The following AGBL1 variants were observed in gnomAD, a reference collection of about 807,000 sequenced individuals.
AGBL1 encodes the protein cytosolic carboxypeptidase 4.
Under a neutral mutation model 118.9 loss-of-function variants are expected in AGBL1, and 130 were observed. The observed-to-expected ratio is 1.09, with a 90% CI of 0.95 to 1.26. The LOEUF is 1.26. Ranked by LOEUF, AGBL1 falls within the 50% of genes most tolerant of loss-of-function variation. The pLI, the probability that AGBL1 is intolerant of heterozygous loss-of-function variation, is 0.00. For missense variants in AGBL1, 1,584 were observed against 1,298.1 expected, an observed-to-expected ratio of 1.22 and a Z score of -3.38; for synonymous variants, 555 against 478.9, an observed-to-expected ratio of 1.16 and a Z score of -2.08.
chr15:86,228,412 G>T (rs529482691), intron 6 of AGBL1, among the ~76,000 whole-genome samples: 93 of 152,288 alleles, frequency 6.1e-4, no homozygotes, highest in Non-Finnish European at 1.3e-3. Context: ...GTTGGCCATT[G>T]TAATCGTTCT....
At chr15:87,020,035 T>A in intron 24 of AGBL1, among the ~76,000 whole-genome samples, 1 of 147,166 alleles carries the variant, frequency 6.8e-6, no homozygotes, top group East Asian at 2.0e-4. Context: ...TTCCTGGACA[T>A]ATGCACCCAC....
At chr15:86,099,335 T>G (rs2141491332) in intron 1 of AGBL1, among the ~76,000 whole-genome samples, 1 of 152,298 alleles carries the variant, frequency 6.6e-6, no homozygotes, top group Non-Finnish European at 1.5e-5. Flanking sequence ...GATTGCTTTC[T>G]TGATGTAGTT....
intron 1 of AGBL1, among the ~76,000 whole-genome samples, chr15:86,104,339 G>T (rs182002178): frequency 6.6e-6 from 1 of 152,168 alleles, no homozygotes; most frequent in Admixed American, 6.5e-5. Flanking sequence ...CTGCTGTTGG[G>T]TGGGTTGCTT....
intron 17 of AGBL1, among the ~76,000 whole-genome samples, chr15:86,311,495 C>G (rs887179898): frequency 6.6e-6 from 1 of 151,990 alleles, no homozygotes; most frequent in African/African-American, 2.4e-5. Context: ...TTTTATGGTT[C>G]TTGGAATTTT....
intron 22 of AGBL1, among the ~76,000 whole-genome samples, chr15:86,763,295 T>C (rs1422218309): frequency 6.6e-6 from 1 of 152,006 alleles, no homozygotes; most frequent in Non-Finnish European, 1.5e-5. Context: ...AGAAAATGTT[T>C]TAGATTATTT....
At chr15:86,408,949 A>G (rs1461884873) in intron 18 of AGBL1, among the ~76,000 whole-genome samples, 6 of 152,112 alleles carry the variant, frequency 3.9e-5, no homozygotes, top group Admixed American at 2.6e-4. Flanking sequence ...TCTCCTAGAC[A>G]AAAAAACAAA....
intron 24 of AGBL1, among the ~76,000 whole-genome samples, chr15:87,015,555 C>G (rs1319213742): frequency 2.6e-5 from 4 of 152,150 alleles, no homozygotes; most frequent in Non-Finnish European, 5.9e-5. Context: ...CACTGAGTGC[C>G]TTCTGTGCTA....
chr15:86,262,506 A>G (rs1015360025), intron 9 of AGBL1: 6 of 445,720 alleles, frequency 1.3e-5, no homozygotes, highest in South Asian at 4.1e-5. Context: ...TTTATCAATT[A>G]TGTAGTTTAT....
intron 21 of AGBL1, among the ~76,000 whole-genome samples, chr15:86,578,161 G>A (rs1485423583): frequency 6.6e-6 from 1 of 152,210 alleles, no homozygotes; most frequent in African/African-American, 2.4e-5. Flanking sequence ...AGAGCCGTAA[G>A]TGCAGAGCTG....
chr15:86,282,441 A>G (rs977266523), intron 16 of AGBL1, among the ~76,000 whole-genome samples: 1 of 152,202 alleles, frequency 6.6e-6, no homozygotes, highest in African/African-American at 2.4e-5. Flanking sequence ...CCTCCAGGGA[A>G]GTTTGTGGAG....
chr15:86,161,624 C>T (rs1428420929), intron 5 of AGBL1, among the ~76,000 whole-genome samples: 5 of 152,156 alleles, frequency 3.3e-5, no homozygotes, highest in Non-Finnish European at 5.9e-5. Context: ...ATCTAAATGG[C>T]TTATACCCAT....
intron 3 of AGBL1, among the ~76,000 whole-genome samples, chr15:86,148,807 C>G (rs536786978): frequency 5.9e-5 from 9 of 152,236 alleles, no homozygotes; most frequent in Admixed American, 5.9e-4. Context: ...AGAAGAGCAA[C>G]CCCAAGACAC....
intron 23 of AGBL1, among the ~76,000 whole-genome samples, chr15:86,949,233 A>C (rs571841087): frequency 6.6e-6 from 1 of 152,330 alleles, no homozygotes; most frequent in East Asian, 1.9e-4. Flanking sequence ...CAGCAGACCC[A>C]TGTTCCTATT....
rs543176745 is a variant in AGBL1 at position 86,210,776 on chromosome 15, A to G, written c.489-14138A>G. ...GGGTTCGAACATCCTCCTTTAGCTC[A>G]GGGAAGTTTGTTATTACTGACCTTC... On this transcript the variant is annotated intron_variant, in intron 5 of 22. Coordinates refer to ENST00000614907, the MANE Select transcript of AGBL1 (RefSeq NM_001386094.1). Among the ~76,000 whole-genome samples the G allele has an allele frequency of 2.7e-4, 41 of 152,226 alleles. 1 individual carries two copies. The highest frequency in any genetic ancestry group is 4.1e-4 in the South Asian group (2 of 4,822).
intron 23 of AGBL1, among the ~76,000 whole-genome samples, chr15:86,925,912 A>C (rs1343628722): frequency 6.6e-6 from 1 of 151,106 alleles, no homozygotes; most frequent in Non-Finnish European, 1.5e-5. Flanking sequence ...CTGTATTCTT[A>C]ATAGAGACGG....
In AGBL1 at chr15:86,219,895, A is replaced by T. The variant is rs1226097095; in HGVS notation, c.489-5019A>T. On this transcript the variant is annotated intron_variant, in intron 5 of 22. Coordinates refer to ENST00000614907, the MANE Select transcript of AGBL1 (RefSeq NM_001386094.1). Reference sequence around the variant, plus strand: ...TTAAAAGTAGAGAGAAGACTTTAGGATCACTAGATTTAAATTCACCCAGAG... The same window carrying T: ...TTAAAAGTAGAGAGAAGACTTTAGGTTCACTAGATTTAAATTCACCCAGAG... Among the ~76,000 whole-genome samples the T allele has an allele frequency of 2.0e-5, 3 of 149,734 alleles. No homozygotes were observed. In the East Asian group the frequency reaches 6.1e-4, roughly 30 times the overall value.
At chr15:86,303,888 A>G (rs1967151) in intron 17 of AGBL1, among the ~76,000 whole-genome samples, 4 of 152,184 alleles carry the variant, frequency 2.6e-5, no homozygotes, top group African/African-American at 4.8e-5. Context: ...AAAGAATTGG[A>G]TGTATTATCT....
chr15:86,567,649 TC>T (rs1464008680), intron 21 of AGBL1, among the ~76,000 whole-genome samples: 2 of 152,242 alleles, frequency 1.3e-5, no homozygotes, highest in Non-Finnish European at 2.9e-5. Context: ...ATAATTTTGA[TC>T]TTTTTTTTGA....
At chr15:86,605,177 T>C (rs2084557676) in intron 21 of AGBL1, among the ~76,000 whole-genome samples, 1 of 152,190 alleles carries the variant, frequency 6.6e-6, no homozygotes, top group Non-Finnish European at 1.5e-5. Context: ...AAGTTGAAGA[T>C]AGTAAACAAC....
Sources: gnomAD v4.1 joint callset for allele counts (sites outside exome capture counted in the v4.1 genomes callset) on GRCh38, gnomAD v4.1.1 for gene constraint, MANE v1.5 for transcripts, NCBI Gene and HGNC (gene_info 2026-07-23, HGNC 2026-07-21) for gene names.